CDH13: variants seen among roughly 807,000 people sequenced by gnomAD.
CDH13 encodes the protein cadherin 13, also known as cadherin-13.
Under a neutral mutation model 63.8 loss-of-function variants are expected in CDH13, and 24 were observed. That is an observed-to-expected ratio of 0.38 (90% confidence interval 0.27 to 0.53). The LOEUF (loss-of-function observed/expected upper bound fraction) is 0.53, where lower values mean the gene tolerates loss of function less well. CDH13 is among the 20% of genes least tolerant of loss of function. The pLI, the probability that CDH13 is intolerant of heterozygous loss-of-function variation, is 0.85. For synonymous variants in CDH13, 503 were observed against 355.3 expected (o/e 1.42, Z -4.67); for missense variants, 1,049 against 903.1 (o/e 1.16, Z -2.07).
intron 1 of CDH13, among the ~76,000 whole-genome samples, chr16:82,681,869 T>C (rs1221056209): frequency 6.6e-6 from 1 of 152,202 alleles, no homozygotes; most frequent in Admixed American, 6.5e-5. Context: ...CAGAGCTCAG[T>C]GCGTCTTGCT....
chr16:82,852,438 T>C (rs2039530198), intron 1 of CDH13, among the ~76,000 whole-genome samples: 1 of 152,082 alleles, frequency 6.6e-6, no homozygotes, highest in African/African-American at 2.4e-5. Context: ...ACCTTGGGAG[T>C]CCTTCCTTCC....
chr16:82,921,545 A>G (rs1043860700), intron 2 of CDH13, among the ~76,000 whole-genome samples: 1 of 152,090 alleles, frequency 6.6e-6, no homozygotes, highest in Non-Finnish European at 1.5e-5. Flanking sequence ...ATGCACAGAC[A>G]TTTTTTTCCA....
chr16:83,141,559 G>C (rs1299799382), intron 4 of CDH13, among the ~76,000 whole-genome samples: 2 of 152,142 alleles, frequency 1.3e-5, no homozygotes, highest in African/African-American at 4.8e-5. Context: ...GTGCAGGTTT[G>C]TTACATAGGT....
chr16:82,684,371 G>A (rs926235720), intron 1 of CDH13, among the ~76,000 whole-genome samples: 1 of 152,136 alleles, frequency 6.6e-6, no homozygotes, highest in African/African-American at 2.4e-5. Context: ...TCTACAGCTG[G>A]GATAGCAAGT....
intron 11 of CDH13, among the ~76,000 whole-genome samples, chr16:83,772,068 G>T (rs532210256): frequency 6.6e-6 from 1 of 152,056 alleles, no homozygotes; most frequent in Admixed American, 6.6e-5. Context: ...AAGGATGGGG[G>T]GTGACTTTTT....
intron 7 of CDH13, among the ~76,000 whole-genome samples, chr16:83,487,459 G>A (rs948193660): frequency 6.6e-6 from 1 of 152,154 alleles, no homozygotes; most frequent in African/African-American, 2.4e-5. Context: ...GATGGGACAT[G>A]TGCTCCCACC....
intron 2 of CDH13, among the ~76,000 whole-genome samples, chr16:82,900,399 A>T (rs2041422086): frequency 6.7e-6 from 1 of 149,484 alleles, no homozygotes; most frequent in African/African-American, 2.5e-5. Context: ...ATAAGGCCAC[A>T]AGCCAAGTGT....
At chr16:82,741,753 A>G (rs1443120515) in intron 1 of CDH13, among the ~76,000 whole-genome samples, 1 of 152,190 alleles carries the variant, frequency 6.6e-6, no homozygotes, top group Non-Finnish European at 1.5e-5. Flanking sequence ...TTATAGATCA[A>G]TTTTTATTTT....
At chr16:82,946,987 T>C (rs985483549) in intron 2 of CDH13, among the ~76,000 whole-genome samples, 1 of 149,900 alleles carries the variant, frequency 6.7e-6, no homozygotes, top group Non-Finnish European at 1.5e-5. Flanking sequence ...GGCCAAAGTC[T>C]TTATAAGTGC....
rs542485769 is a variant in CDH13 at position 83,750,275 on chromosome 16, G to A, written c.1681+2025G>A. Among the ~76,000 whole-genome samples the A allele has an allele frequency of 1.6e-4, 24 of 152,168 alleles. 1 individual carries two copies. The highest frequency in any genetic ancestry group is 5.5e-4 in the African/African-American group (23 of 41,522). Reference sequence around the variant, plus strand: ...TATGCCACTGCACTCCAGCCGGGGTGACAGAGTGAGACTCCATCTCAAAAA... The same window carrying A: ...TATGCCACTGCACTCCAGCCGGGGTAACAGAGTGAGACTCCATCTCAAAAA... On this transcript the variant is annotated intron_variant, in intron 11 of 13. Transcript: ENST00000567109.
chr16:83,369,413 C>G (rs959487817), intron 6 of CDH13, among the ~76,000 whole-genome samples: 1 of 151,832 alleles, frequency 6.6e-6, no homozygotes, highest in South Asian at 2.1e-4. Flanking sequence ...CAGAGAGACC[C>G]TTCTAGTGTT....
chr16:83,294,917 A>G (rs1455992955), intron 5 of CDH13, among the ~76,000 whole-genome samples: 1 of 152,154 alleles, frequency 6.6e-6, no homozygotes, highest in East Asian at 1.9e-4. Context: ...GACCATGGAT[A>G]GCCAAAGTAA....
chr16:83,588,051 G>A (rs903330832), intron 7 of CDH13, among the ~76,000 whole-genome samples: 1 of 151,348 alleles, frequency 6.6e-6, no homozygotes, highest in Non-Finnish European at 1.5e-5. Context: ...CTGGAGATGT[G>A]TGGCTGGCCT....
intron 1 of CDH13, among the ~76,000 whole-genome samples, chr16:82,663,951 C>T (rs1313862320): frequency 2.6e-5 from 4 of 152,222 alleles, no homozygotes; most frequent in African/African-American, 9.6e-5. Context: ...AGGCATTCCA[C>T]TCTGAGGTGT....
At chr16:82,662,124 A>G (rs1432518723) in intron 1 of CDH13, among the ~76,000 whole-genome samples, 3 of 151,296 alleles carry the variant, frequency 2.0e-5, no homozygotes, top group Non-Finnish European at 4.4e-5. Context: ...AGTATTCTCC[A>G]TATTCTCAAT....
At chr16:82,960,877 T>A (rs1400374853) in intron 2 of CDH13, among the ~76,000 whole-genome samples, 1 of 152,220 alleles carries the variant, frequency 6.6e-6, no homozygotes, top group African/African-American at 2.4e-5. Flanking sequence ...CTAGGAAGAA[T>A]GCCATACAAA....
chr16:83,438,070 C>T (rs2072368606), intron 6 of CDH13, among the ~76,000 whole-genome samples: 2 of 152,122 alleles, frequency 1.3e-5, no homozygotes, highest in Non-Finnish European at 2.9e-5. Flanking sequence ...CTCTAAAGCA[C>T]ACACCTGATG....
At chr16:82,839,405 A>G (rs994183144) in intron 1 of CDH13, among the ~76,000 whole-genome samples, 14 of 152,190 alleles carry the variant, frequency 9.2e-5, no homozygotes, top group African/African-American at 3.4e-4. Flanking sequence ...ACATAGCTCA[A>G]TTTGCGTGTG....
chr16:83,014,501 A>C (rs1294673978), intron 2 of CDH13, among the ~76,000 whole-genome samples: 1 of 151,444 alleles, frequency 6.6e-6, no homozygotes, highest in Non-Finnish European at 1.5e-5. Context: ...TGGGAGGCCA[A>C]GACGGATAGA....
Sources: gnomAD v4.1 joint callset for allele counts (sites outside exome capture counted in the v4.1 genomes callset) on GRCh38, gnomAD v4.1.1 for gene constraint, MANE v1.5 for transcripts, NCBI Gene and HGNC (gene_info 2026-07-23, HGNC 2026-07-21) for gene names.